LSAMP: variants seen among roughly 807,000 people sequenced by gnomAD.
The protein encoded by LSAMP is limbic system associated membrane protein.
LSAMP carries 7 observed loss-of-function variants against 38.6 expected under a neutral mutation model. That is an observed-to-expected ratio of 0.18 (90% CI 0.10 to 0.34). LSAMP has a LOEUF of 0.34. Among genes scored for constraint, LSAMP ranks in the 10% least tolerant of loss-of-function variants. LSAMP has a pLI of 1.00. For missense variants in LSAMP, 313 were observed against 420.0 expected (o/e 0.75, Z 2.23); for synonymous variants, 154 against 166.8 (o/e 0.92, Z 0.59).
At chr3:116,069,547 C>G (rs1559730404) in intron 2 of LSAMP, among the ~76,000 whole-genome samples, 1 of 137,596 alleles carries the variant, frequency 7.3e-6, no homozygotes, top group Non-Finnish European at 1.6e-5. Flanking sequence ...GTGAGAGATA[C>G]CACTTTCCTC....
At chr3:116,347,718 G>A (rs748322655) in intron 1 of LSAMP, among the ~76,000 whole-genome samples, 2 of 152,112 alleles carry the variant, frequency 1.3e-5, no homozygotes, top group Non-Finnish European at 2.9e-5. Context: ...GGCTCATGGT[G>A]TATCCACACT....
chr3:116,070,377 G>C (rs9873576), intron 2 of LSAMP, among the ~76,000 whole-genome samples: 21,230 of 152,098 alleles, frequency 0.14, 1,557 homozygotes, highest in Non-Finnish European at 0.16. Flanking sequence ...TTTAAATAAA[G>C]GGGAAAAGAG....
At chr3:116,139,248 T>C (rs1247495802) in intron 1 of LSAMP, among the ~76,000 whole-genome samples, 1 of 151,970 alleles carries the variant, frequency 6.6e-6, no homozygotes, top group Non-Finnish European at 1.5e-5. Context: ...TTCTGCACCA[T>C]GGAAAGCATG....
chr3:116,272,235 C>T (rs994883679), intron 1 of LSAMP, among the ~76,000 whole-genome samples: 15 of 152,056 alleles, frequency 9.9e-5, no homozygotes, highest in Non-Finnish European at 1.5e-4. Context: ...TGTATGAACA[C>T]GGACTTATCC....
intron 1 of LSAMP, among the ~76,000 whole-genome samples, chr3:116,256,031 C>T (rs1245352293): frequency 6.6e-6 from 1 of 152,076 alleles, no homozygotes; most frequent in Admixed American, 6.6e-5. Flanking sequence ...CTTGTTTATC[C>T]GATCTAATGC....
chr3:115,840,224 C>T (rs1934952985), intron 6 of LSAMP, among the ~76,000 whole-genome samples: 1 of 152,112 alleles, frequency 6.6e-6, no homozygotes, highest in Non-Finnish European at 1.5e-5. Context: ...TCCAATTGTT[C>T]TATCTTCTCT....
intron 1 of LSAMP, among the ~76,000 whole-genome samples, chr3:116,209,813 A>ACTGCACTCGTG (rs2046129763): frequency 6.6e-6 from 1 of 152,060 alleles, no homozygotes. Flanking sequence ...GCGCAGTGGC[A>ACTGCACTCGTG]CGATCTCCGC....
At chr3:116,140,747 C>T (rs1024701298) in intron 1 of LSAMP, among the ~76,000 whole-genome samples, 11 of 151,870 alleles carry the variant, frequency 7.2e-5, no homozygotes, top group Admixed American at 2.6e-4. Flanking sequence ...TGTATCTGCT[C>T]AAGGGTGCAT....
chr3:116,350,191 T>C (rs552005018), intron 1 of LSAMP, among the ~76,000 whole-genome samples: 104 of 152,166 alleles, frequency 6.8e-4, no homozygotes, highest in African/African-American at 2.3e-3. Context: ...TCACAGCACA[T>C]AGCAGGTACT....
rs1553714882 is a variant in LSAMP, at chr3:116,221,844, A to AGCGTGTGT, written c.156-135289_156-135288insACACACGC. Reference sequence around the variant, plus strand: ...AACATTCTGCGTGATCCTAAAAAGAAGTGTGTGTGTGTGTGTGTGTGTGTG... The same window carrying AGCGTGTGT: ...AACATTCTGCGTGATCCTAAAAAGAAGCGTGTGTGTGTGTGTGTGTGTGTGTGTGTGTG... On this transcript the variant is annotated intron_variant, in intron 1 of 6. Transcript: ENST00000490035. Among the ~76,000 whole-genome samples the AGCGTGTGT allele has an allele frequency of 4.5e-4, 66 of 145,480 alleles. 1 individual carries two copies. The highest frequency in any genetic ancestry group is 3.5e-3 in the Middle Eastern group (1 of 288).
rs780012047 is a variant in LSAMP, at chr3:116,019,656, G to A, written c.389-16C>T. 3 of 1,608,716 alleles carry A rather than the reference G, an allele frequency of 1.9e-6. No individual in the cohort carries two copies. Among genetic ancestry groups the A allele is most frequent in the Non-Finnish European group, 2.6e-6 (3 of 1,176,472 alleles). ...TTTGGTGGGACTGTGAAAACAAAAG[G>A]AAATGGAATATGTAACCATGTCAGT... is the stretch of plus-strand genomic sequence containing the variant. On this transcript the variant is annotated splice_polypyrimidine_tract_variant and intron_variant, in intron 2 of 6. Coordinates refer to ENST00000490035, the MANE Select transcript of LSAMP (RefSeq NM_002338.5).
At chr3:116,408,096 T>C (rs916962874) in intron 1 of LSAMP, among the ~76,000 whole-genome samples, 2 of 152,060 alleles carry the variant, frequency 1.3e-5, no homozygotes, top group Non-Finnish European at 2.9e-5. Flanking sequence ...GAGAAATATG[T>C]TCTTGGAGGA....
chr3:116,193,224 G>T (rs1283167355), intron 1 of LSAMP, among the ~76,000 whole-genome samples: 1 of 152,164 alleles, frequency 6.6e-6, no homozygotes, highest in African/African-American at 2.4e-5. Context: ...GTTAAACAGG[G>T]ATAGTAAGGC....
intron 3 of LSAMP, among the ~76,000 whole-genome samples, chr3:115,899,405 A>C (rs1936813277): frequency 6.6e-6 from 1 of 152,184 alleles, no homozygotes; most frequent in Non-Finnish European, 1.5e-5. Flanking sequence ...AAGATGAGGC[A>C]GTGCAGAGCA....
intron 3 of LSAMP, among the ~76,000 whole-genome samples, chr3:115,961,574 G>C (rs548887277): frequency 6.6e-6 from 1 of 152,294 alleles, no homozygotes; most frequent in East Asian, 1.9e-4. Flanking sequence ...ATAAGCCTCT[G>C]GCACTAAGAA....
chr3:116,246,083 T>C (rs1461420582), intron 1 of LSAMP, among the ~76,000 whole-genome samples: 1 of 152,148 alleles, frequency 6.6e-6, no homozygotes, highest in African/African-American at 2.4e-5. Context: ...AAAAGTCAAA[T>C]AGGTCCGACC....
chr3:116,105,821 AAAAC>A (rs1708453045), intron 1 of LSAMP, among the ~76,000 whole-genome samples: 2 of 152,112 alleles, frequency 1.3e-5, no homozygotes, highest in African/African-American at 2.4e-5. Flanking sequence ...TAAGAAAAAT[AAAAC>A]AAAATAGTGT....
intron 2 of LSAMP, among the ~76,000 whole-genome samples, chr3:116,076,731 G>A (rs977207544): frequency 1.3e-5 from 2 of 152,038 alleles, no homozygotes; most frequent in African/African-American, 2.4e-5. Context: ...CATCTTTAAT[G>A]ATATTTGTGT....
intron 1 of LSAMP, among the ~76,000 whole-genome samples, chr3:116,406,111 A>G (rs2048894151): frequency 6.6e-6 from 1 of 152,106 alleles, no homozygotes; most frequent in African/African-American, 2.4e-5. Flanking sequence ...GGACGTGTAC[A>G]TCTGCCAAAA....
Sources: gnomAD v4.1 joint callset for allele counts (sites outside exome capture counted in the v4.1 genomes callset) on GRCh38, gnomAD v4.1.1 for gene constraint, MANE v1.5 for transcripts, NCBI Gene and HGNC (gene_info 2026-07-23, HGNC 2026-07-21) for gene names.